The following CSPP1 variants were observed in gnomAD, a reference collection of about 807,000 sequenced individuals.
The protein encoded by CSPP1 is centrosome and spindle pole associated protein 1, also known as centrosome and spindle pole-associated protein 1.
CSPP1 carries 126 observed loss-of-function variants against 164.4 expected under a neutral mutation model. That is an observed-to-expected ratio of 0.77 (90% CI 0.66 to 0.89). The LOEUF (loss-of-function observed/expected upper bound fraction) is 0.89, where lower values mean the gene tolerates loss of function less well. Ranked by LOEUF, CSPP1 falls within the 40% of genes least tolerant of loss-of-function variation. The pLI is 0.00. For missense variants in CSPP1, 1,395 were observed against 1,449.8 expected (o/e 0.96, Z 0.61); for synonymous variants, 472 against 476.7 (o/e 0.99, Z 0.13).
In CSPP1 at chr8:67,190,762, A is replaced by T; in HGVS notation, c.3330+3A>T. ...ACAAATGGAAAGGACTAGACATTGT[A>T]TGTATGAGACTTTTCTCCCCCTTTT... On this transcript the variant is annotated splice_donor_region_variant and intron_variant, in intron 29 of 30. Transcript: ENST00000678616. The T allele has an allele frequency of 1.3e-6, 2 of 1,593,568 alleles. No homozygotes were observed. Among genetic ancestry groups the T allele is most frequent in the East Asian group, 2.2e-5 (1 of 44,782 alleles).
At chr8:67,158,679 A>C in intron 20 of CSPP1, 83 bp downstream of exon 20, 1 of 1,468,092 alleles carries the variant, frequency 6.8e-7, no homozygotes, top group Admixed American at 2.6e-5. Flanking sequence ...TTACTTATAA[A>C]GGAGAACAGT....
intron 4 of CSPP1, 130 bp downstream of exon 4, chr8:67,086,240 C>T (rs751209938): frequency 1.3e-6 from 1 of 750,308 alleles, no homozygotes; most frequent in African/African-American, 1.7e-5. Flanking sequence ...GTAGTATAGT[C>T]AAAGTTAAGT....
At chr8:67,110,869 T>G (rs893679965) in intron 9 of CSPP1, among the ~76,000 whole-genome samples, 2 of 152,146 alleles carry the variant, frequency 1.3e-5, no homozygotes, top group Non-Finnish European at 1.5e-5. Context: ...TTGTTGTTGT[T>G]GTTGTTGTTT....
At chr8:67,174,767 GAAAA>G in intron 25 of CSPP1, 3 of 97,394 alleles carry the variant, frequency 3.1e-5, no homozygotes, top group Non-Finnish European at 6.7e-5. Flanking sequence ...TCCGTCTCAA[GAAAA>G]AAAAAAAAAA....
intron 30 of CSPP1, 58 bp from the exon 31 acceptor site, chr8:67,195,324 T>C: frequency 9.5e-7 from 1 of 1,055,222 alleles, no homozygotes; most frequent in Non-Finnish European, 1.5e-6. Flanking sequence ...AGACCTGCGC[T>C]TATGTCTCCT....
rs779379521 is a variant in CSPP1 at position 67,069,848 on chromosome 8, C to T, written c.-10-4395C>T. Among the ~76,000 whole-genome samples, 72 of 151,762 alleles carry T rather than the reference C, an allele frequency of 4.7e-4. 1 individual carries two copies. Among genetic ancestry groups the T allele is most frequent in the Admixed American group, 6.6e-4 (10 of 15,248 alleles). Reference sequence around the variant, plus strand: ...CTAATTTTTGTATTTTTAGTAGAGACGGGGTTTCGCCATATTGGCCAGGCT... The same window carrying T: ...CTAATTTTTGTATTTTTAGTAGAGATGGGGTTTCGCCATATTGGCCAGGCT... On this transcript the variant is annotated intron_variant, in intron 1 of 30. Coordinates refer to ENST00000678616, the MANE Select transcript of CSPP1 (RefSeq NM_001382391.1).
At chr8:67,138,804 A>G (rs1416941548) in intron 17 of CSPP1, among the ~76,000 whole-genome samples, 1 of 152,086 alleles carries the variant, frequency 6.6e-6, no homozygotes, top group African/African-American at 2.4e-5. Context: ...ATTAGATCCC[A>G]TTTGTCAATT....
At chr8:67,071,626 TC>T (rs1163064426) in intron 1 of CSPP1, among the ~76,000 whole-genome samples, 1 of 152,192 alleles carries the variant, frequency 6.6e-6, no homozygotes, top group Non-Finnish European at 1.5e-5. Context: ...ACCAAACCTT[TC>T]TAAATCTTCC....
rs775661180 is a variant in CSPP1 at position 67,085,994 on chromosome 8, G to GT, written c.200-5dup. The GT allele has an allele frequency of 1.9e-4, 204 of 1,099,896 alleles. No individual in the cohort carries two copies. Among genetic ancestry groups the GT allele is most frequent in the Admixed American group, 4.3e-4 (25 of 58,404 alleles). The allele number at this position is 1,099,896 out of a possible 1,614,324, so 68.1% of individuals were successfully genotyped here. A position where few individuals can be genotyped will look rare whatever the true frequency, so the allele number is the denominator to read the frequency against. On this transcript the variant is annotated splice_polypyrimidine_tract_variant and intron_variant, in intron 3 of 30. Coordinates refer to ENST00000678616, the MANE Select transcript of CSPP1 (RefSeq NM_001382391.1). ...TGAAAATGAATTATACTAAGAAGTT[G>GT]TTTTTTTTCTAGGAATTGATTATGG...
At chr8:67,185,899 C>CA (rs1313377834) in intron 28 of CSPP1, among the ~76,000 whole-genome samples, 11 of 152,038 alleles carry the variant, frequency 7.2e-5, no homozygotes, top group East Asian at 3.9e-4. Flanking sequence ...AAGAATCCTT[C>CA]AAAAAAACAG....
At chr8:67,120,741 T>G (rs1818810222) in intron 15 of CSPP1, among the ~76,000 whole-genome samples, 1 of 152,190 alleles carries the variant, frequency 6.6e-6, no homozygotes, top group South Asian at 2.1e-4. Context: ...TTCATTTATT[T>G]TAATAATTTT....
chr8:67,086,097 G>A lies in CSPP1; in HGVS notation c.290G>A (p.Arg97His), dbSNP rs1170340174. 4 of 1,388,302 alleles carry A rather than the reference G, an allele frequency of 2.9e-6. No homozygotes were observed. The highest frequency in any genetic ancestry group is 1.2e-5 in the South Asian group (1 of 86,482). 86.0% of individuals were successfully genotyped at this position (1,388,302 alleles called of 1,614,324 possible). A position where few individuals can be genotyped will look rare whatever the true frequency, so the allele number is the denominator to read the frequency against. The change falls in exon 4 of 31, where the codon CGT (arginine) becomes CAT (histidine). Residue 97 changes from arginine (R) to histidine (H), a missense_variant. Physicochemically the swap from Arg to His is conservative, Grantham distance 29 (BLOSUM62 0). Transcript: ENST00000678616. ...GAAGAATTGCGGCAAGATTACAGAC[G>A]TTATCTTACTCAGGTAATGAGTTCT... Reference protein sequence around the residue: ...LKEELRQDYRRYLTQKNFLST... With the variant: ...LKEELRQDYRHYLTQKNFLST...
At chr8:67,089,435 A>G (rs1204259830) in intron 4 of CSPP1, among the ~76,000 whole-genome samples, 1 of 152,204 alleles carries the variant, frequency 6.6e-6, no homozygotes, top group Admixed American at 6.5e-5. Context: ...TCTACCTGAT[A>G]TCTTATGTAG....
chr8:67,085,373 T>C (rs75867323), intron 3 of CSPP1, among the ~76,000 whole-genome samples: 11 of 147,944 alleles, frequency 7.4e-5, no homozygotes, highest in African/African-American at 2.7e-4. Flanking sequence ...AAAAAGAAAA[T>C]TAAAAAAAAA....
chr8:67,140,506 T>C (rs1347657491), intron 17 of CSPP1, among the ~76,000 whole-genome samples: 3 of 152,248 alleles, frequency 2.0e-5, no homozygotes, highest in Non-Finnish European at 4.4e-5. Flanking sequence ...TCTTTATCAA[T>C]GAAATGATTT....
chr8:67,166,131 G>C (rs1829262480), intron 24 of CSPP1, among the ~76,000 whole-genome samples: 1 of 152,028 alleles, frequency 6.6e-6, no homozygotes, highest in Admixed American at 6.6e-5. Context: ...CCATCCTTTT[G>C]TTTTTTGAAG....
At chr8:67,158,347 G>A in intron 19 of CSPP1, 100 bp from the exon 20 acceptor site, 1 of 1,272,192 alleles carries the variant, frequency 7.9e-7, no homozygotes, top group African/African-American at 1.5e-5. Flanking sequence ...TGCAAAAAGA[G>A]GGTACAAGTG....
intron 15 of CSPP1, among the ~76,000 whole-genome samples, chr8:67,119,800 A>G (rs1363310940): frequency 6.6e-6 from 1 of 152,084 alleles, no homozygotes; most frequent in Non-Finnish European, 1.5e-5. Context: ...ATTCTGTATC[A>G]GGTATTTGAT....
chr8:67,160,478 AAAG>A (rs1417957200), intron 21 of CSPP1, among the ~76,000 whole-genome samples: 2 of 151,886 alleles, frequency 1.3e-5, no homozygotes, highest in African/African-American at 4.8e-5. Flanking sequence ...AAAAAAAAAA[AAAG>A]AATTAAACAG....
Sources: gnomAD v4.1 joint callset for allele counts (sites outside exome capture counted in the v4.1 genomes callset) on GRCh38, gnomAD v4.1.1 for gene constraint, MANE v1.5 for transcripts, NCBI Gene and HGNC (gene_info 2026-07-23, HGNC 2026-07-21) for gene names.